Variants in FRK observed in about 807,000 individuals in gnomAD.
FRK encodes fyn related Src family tyrosine kinase, also known as tyrosine-protein kinase FRK.
A neutral mutation model predicts 56.4 loss-of-function variants in FRK; 51 were observed. That is an observed-to-expected ratio of 0.90 (90% CI 0.72 to 1.14). The LOEUF is 1.14. FRK is among the 50% of genes most tolerant of loss of function. The pLI, the probability that FRK is intolerant of heterozygous loss-of-function variation, is 0.00. For missense variants in FRK, 570 were observed against 601.4 expected (o/e 0.95, Z 0.55); for synonymous variants, 245 against 217.9 (o/e 1.12, Z -1.10).
At chr6:116,004,252 T>G (rs765412402) in intron 1 of FRK, among the ~76,000 whole-genome samples, 2 of 152,162 alleles carry the variant, frequency 1.3e-5, no homozygotes, top group Non-Finnish European at 2.9e-5. Flanking sequence ...TTCTCACAGC[T>G]GTGTTCTGTC....
At chr6:116,079,102 A>T in the FRK span, among the ~76,000 whole-genome samples, 27,098 of 151,990 alleles carry the variant, frequency 0.18, 2,882 homozygotes, top group African/African-American at 0.29. Flanking sequence ...CATTTTCTGG[A>T]GCGCAATGTG....
the FRK span, among the ~76,000 whole-genome samples, chr6:116,067,689 T>G: frequency 6.6e-6 from 1 of 152,196 alleles, no homozygotes; most frequent in Non-Finnish European, 1.5e-5. Context: ...AGAAGGAAAG[T>G]TGGGGCCACT....
chr6:116,081,948 C>A, the FRK span, among the ~76,000 whole-genome samples: 1 of 152,014 alleles, frequency 6.6e-6, no homozygotes, highest in Non-Finnish European at 1.5e-5. Flanking sequence ...CATAATAAAT[C>A]AATAACATGC....
In FRK at chr6:115,947,247, A is replaced by G. The variant is rs1772494089; in HGVS notation, c.959-2822T>C. On this transcript the variant is annotated intron_variant, in intron 5 of 7. Coordinates refer to ENST00000606080, the MANE Select transcript of FRK (RefSeq NM_002031.3). ...TATTGTATAATTATGTGTTTTCTAT[A>G]TATATGATATTTTTAATAAAAAATG... 2.0e-5 allele frequency among the ~76,000 whole-genome samples: 3 copies of G among 152,166 alleles called. No homozygotes were observed. In the South Asian group the frequency reaches 6.2e-4, roughly 32 times the overall value.
chr6:116,023,769 T>C (rs894536362), intron 1 of FRK, among the ~76,000 whole-genome samples: 3 of 152,124 alleles, frequency 2.0e-5, no homozygotes, highest in Non-Finnish European at 4.4e-5. Context: ...AAACCTCTCA[T>C]CTATATAACC....
intron 1 of FRK, among the ~76,000 whole-genome samples, chr6:116,032,780 C>T (rs185354457): frequency 6.6e-6 from 1 of 152,030 alleles, no homozygotes; most frequent in Admixed American, 6.6e-5. Flanking sequence ...AATAGCACCG[C>T]AGAATTGATT....
In FRK at chr6:116,043,738, C is replaced by A. The variant is rs144591553; in HGVS notation, c.344+16230G>T. Among the ~76,000 whole-genome samples, 1,425 of 151,816 alleles carry A rather than the reference C, an allele frequency of 9.4e-3. 10 individuals carry two copies. The highest frequency in any genetic ancestry group is 0.016 in the Non-Finnish European group (1,065 of 67,890). On this transcript the variant is annotated intron_variant, in intron 1 of 7. Coordinates refer to ENST00000606080, the MANE Select transcript of FRK (RefSeq NM_002031.3). Reference sequence around the variant, plus strand: ...CAGAAGACAAGAAATAACTGAGATCCAAGTAGAACTGAAGGAGATAGAGAC... The same window carrying A: ...CAGAAGACAAGAAATAACTGAGATCAAAGTAGAACTGAAGGAGATAGAGAC...
intron 1 of FRK, among the ~76,000 whole-genome samples, chr6:116,041,899 C>G (rs913347673): frequency 6.6e-6 from 1 of 152,152 alleles, no homozygotes; most frequent in Non-Finnish European, 1.5e-5. Flanking sequence ...GAGACAGAAC[C>G]GTTCACTCAC....
the FRK span, among the ~76,000 whole-genome samples, chr6:116,087,404 G>C: frequency 6.6e-6 from 1 of 152,202 alleles, no homozygotes; most frequent in Non-Finnish European, 1.5e-5. Flanking sequence ...ATATTGATCA[G>C]CCCTGCCCTC....
At chr6:115,948,230 C>T (rs1166120848) in intron 5 of FRK, among the ~76,000 whole-genome samples, 1 of 152,156 alleles carries the variant, frequency 6.6e-6, no homozygotes. Flanking sequence ...CAGCCAACAA[C>T]CAGAAAGGAA....
chr6:116,093,944 C>G, the FRK span, among the ~76,000 whole-genome samples: 7 of 152,132 alleles, frequency 4.6e-5, no homozygotes, highest in African/African-American at 1.7e-4. Flanking sequence ...AACCTGGCAA[C>G]CTCAGTGTTC....
intron 1 of FRK, among the ~76,000 whole-genome samples, chr6:116,015,927 C>A (rs374379073): frequency 6.6e-6 from 1 of 152,130 alleles, no homozygotes; most frequent in East Asian, 1.9e-4. Context: ...GAAACTGGAA[C>A]TTTTATTTAT....
Position 115,942,564 on chromosome 6 carries a change from G to A in FRK, c.1368C>T (p.Ser456=). ...TGTTGTAAAATTGCTGTGGACAGTT[G>A]GATGGTTGCGGAAGTCTATAGTTTT... ...LAQNYRLPQP[S]NCPQQFYNIM... is the part of the protein sequence containing the mutation. The change falls in exon 8 of 8, where the codon TCC becomes TCT. Residue 456 remains serine (S), a synonymous_variant. Transcript: ENST00000606080. The A allele has an allele frequency of 6.2e-7, 1 of 1,613,750 alleles. No individual in the cohort carries two copies. The highest frequency in any genetic ancestry group is 1.1e-5 in the South Asian group (1 of 91,058).
In FRK at chr6:116,011,852, G is replaced by A. The variant is rs185184183; in HGVS notation, c.345-7854C>T. Among the ~76,000 whole-genome samples the A allele has an allele frequency of 1.8e-4, 27 of 152,200 alleles. No homozygotes were observed. The East Asian group carries it at 4.1e-3, about 23-fold the overall frequency. ...ACAACACTATGAAGAAAATCTCTGT[G>A]AGAGTTCTTCCTGTCAAGGTAATTA... On this transcript the variant is annotated intron_variant, in intron 1 of 7. Coordinates refer to ENST00000606080, the MANE Select transcript of FRK (RefSeq NM_002031.3).
chr6:116,007,764 A>G (rs931328600), intron 1 of FRK, among the ~76,000 whole-genome samples: 2 of 152,196 alleles, frequency 1.3e-5, no homozygotes, highest in Non-Finnish European at 2.9e-5. Context: ...TTAATACACT[A>G]TAATGTTTCT....
At chr6:115,950,659 C>T (rs1184210328) in intron 5 of FRK, among the ~76,000 whole-genome samples, 1 of 152,134 alleles carries the variant, frequency 6.6e-6, no homozygotes, top group African/African-American at 2.4e-5. Context: ...CCCAGCAATC[C>T]CATTGCTGGG....
intron 1 of FRK, among the ~76,000 whole-genome samples, chr6:116,011,105 C>T (rs753716374): frequency 6.6e-6 from 1 of 151,840 alleles, no homozygotes; most frequent in Non-Finnish European, 1.5e-5. Flanking sequence ...AAAAAAATTG[C>T]AGTATAAATG....
the FRK span, among the ~76,000 whole-genome samples, chr6:116,074,149 T>C: frequency 6.6e-6 from 1 of 152,216 alleles, no homozygotes; most frequent in Admixed American, 6.5e-5. Context: ...CAAGAAGTCC[T>C]CCACAGGTCT....
chr6:115,958,283 A>AC (rs34544807), intron 4 of FRK, among the ~76,000 whole-genome samples: 16 of 150,488 alleles, frequency 1.1e-4, no homozygotes, highest in African/African-American at 3.7e-4. Context: ...CCCCACTACC[A>AC]CCCCCCCCAA....
Sources: allele counts gnomAD v4.1 joint callset (sites outside exome capture counted in the v4.1 genomes callset), GRCh38; gene constraint gnomAD v4.1.1; transcripts MANE v1.5; gene names NCBI Gene and HGNC (gene_info 2026-07-23, HGNC 2026-07-21).